ATRN: variants seen among roughly 807,000 people sequenced by gnomAD.
The protein encoded by ATRN is attractin.
ATRN carries 54 observed loss-of-function variants against 178.7 expected under a neutral mutation model. That is an observed-to-expected ratio of 0.30 (90% CI 0.24 to 0.38). ATRN has a LOEUF of 0.38. ATRN is among the 10% of genes least tolerant of loss of function. ATRN has a pLI of 1.00. For synonymous variants in ATRN, 636 were observed against 663.0 expected (o/e 0.96, Z 0.63); for missense variants, 1,443 against 1,815.1 (o/e 0.79, Z 3.73).
rs1297842416 is a variant in ATRN at position 3,471,348 on chromosome 20, G to A, written c.241G>A (p.Ala81Thr). 26 of 1,486,268 alleles carry A rather than the reference G, an allele frequency of 1.7e-5. No individual in the cohort carries two copies. In the East Asian group the frequency reaches 6.8e-4, roughly 39 times the overall value. The allele number at this position is 1,486,268 out of a possible 1,614,324, so 92.1% of individuals were successfully genotyped here. The change falls in exon 1 of 29, where the codon GCC becomes ACC. Residue 81 changes from alanine (A) to threonine (T), a missense_variant. Physicochemically the swap from Ala to Thr is moderately conservative, Grantham distance 58 (BLOSUM62 0). This residue lies in a region of ATRN where 862 missense variants were observed against 972.1 expected (regional missense o/e 0.89). Transcript: ENST00000262919. Reference sequence around the variant, plus strand: ...GCTGCTGCTGCTGCTGCCCTGTGAGGCCGAGGCCGCGGCGGCGGCGGCGGC... The same window carrying A: ...GCTGCTGCTGCTGCTGCCCTGTGAGACCGAGGCCGCGGCGGCGGCGGCGGC... ...PLLLLLLPCE[A>T]EAAAAAAAVS...
chr20:3,528,018 T>G (rs533887461), intron 1 of ATRN, among the ~76,000 whole-genome samples: 2 of 152,056 alleles, frequency 1.3e-5, no homozygotes, highest in East Asian at 3.9e-4. Flanking sequence ...TGTGTACCTG[T>G]GTAACAAACC....
At chr20:3,590,836 C>T (rs2086431140) in intron 18 of ATRN, among the ~76,000 whole-genome samples, 1 of 152,180 alleles carries the variant, frequency 6.6e-6, no homozygotes, top group Admixed American at 6.5e-5. Flanking sequence ...ACAGTGGTCT[C>T]TGAGTGGTTG....
rs1472414127 is a variant in ATRN at position 3,645,168 on chromosome 20, C to T, written c.4165+900C>T. ...TGAGATGATTCTGGAGTCAGGGTTA[C>T]CTTAGCCAGAGAGCACCCTGTGTCT... On this transcript the variant is annotated intron_variant, in intron 28 of 28. Coordinates refer to ENST00000262919, the MANE Select transcript of ATRN (RefSeq NM_139321.3). The surrounding 1 kb of genome is among the most constrained non-coding windows in gnomAD (Gnocchi z 4.7). Among the ~76,000 whole-genome samples the T allele has an allele frequency of 1.3e-5, 2 of 152,164 alleles. No homozygotes were observed. The highest frequency in any genetic ancestry group is 2.9e-5 in the Non-Finnish European group (2 of 68,040).
At chr20:3,495,816 T>A (rs2084870794) in intron 1 of ATRN, among the ~76,000 whole-genome samples, 1 of 151,776 alleles carries the variant, frequency 6.6e-6, no homozygotes, top group Non-Finnish European at 1.5e-5. Flanking sequence ...TTGTACACTG[T>A]CATTTTTTAA....
intron 1 of ATRN, among the ~76,000 whole-genome samples, chr20:3,529,073 C>G (rs1297557828): frequency 6.6e-6 from 1 of 152,124 alleles, no homozygotes; most frequent in Non-Finnish European, 1.5e-5. Context: ...CTTGGCCTCC[C>G]AAAGTGCTGA....
chr20:3,544,000 C>T (rs1481265374), intron 3 of ATRN, among the ~76,000 whole-genome samples: 1 of 152,200 alleles, frequency 6.6e-6, no homozygotes, highest in Non-Finnish European at 1.5e-5. Flanking sequence ...TGCCACTGCA[C>T]TCTAGCTTGG....
At chr20:3,484,766 G>GTGA (rs5839997) in intron 1 of ATRN, among the ~76,000 whole-genome samples, 7,794 of 151,708 alleles carry the variant, frequency 0.051, 600 homozygotes, top group African/African-American at 0.17. Context: ...TATATTTCCA[G>GTGA]TTTAGGTCTC....
chr20:3,604,349 A>C, intron 24 of ATRN, 87 bp downstream of exon 24: 1 of 1,426,400 alleles, frequency 7.0e-7, no homozygotes, highest in Non-Finnish European at 9.4e-7. Flanking sequence ...GCTTGTGGTA[A>C]ATGAGATGTG....
chr20:3,484,553 C>T lies in ATRN; in HGVS notation c.410+13036C>T, dbSNP rs542883928. 1.9e-4 allele frequency among the ~76,000 whole-genome samples: 29 copies of T among 152,220 alleles called. No individual in the cohort carries two copies. The South Asian group carries it at 5.6e-3, about 29-fold the overall frequency. The stretch of plus-strand genomic sequence containing the variant: ...ATAGAACAGTTTTGCCCCTGCTCCC[C>T]GTTTGTATTGAATTGTGCTATAATC... On this transcript the variant is annotated intron_variant, in intron 1 of 28. Coordinates refer to ENST00000262919, the MANE Select transcript of ATRN (RefSeq NM_139321.3).
At chr20:3,627,095 T>C (rs1224815879) in intron 25 of ATRN, among the ~76,000 whole-genome samples, 2 of 152,198 alleles carry the variant, frequency 1.3e-5, no homozygotes, top group Non-Finnish European at 2.9e-5. Context: ...TCAAAATGTA[T>C]ATAAATGAAA....
At chr20:3,507,406 CAA>C (rs375138925) in intron 1 of ATRN, among the ~76,000 whole-genome samples, 9 of 87,464 alleles carry the variant, frequency 1.0e-4, no homozygotes, top group Non-Finnish European at 9.2e-5. Flanking sequence ...AACTCCGTCT[CAA>C]AAAAAAAAAA....
rs1404387360 is a variant in ATRN at position 3,648,563 on chromosome 20, TAG to T, written c.*1725_*1726del. 1.3e-5 allele frequency: 2 copies of T among 152,430 alleles called. No homozygotes were observed. The highest frequency in any genetic ancestry group is 6.5e-5 in the Admixed American group (1 of 15,274). 9.4% of individuals were successfully genotyped at this position (152,430 alleles called of 1,614,324 possible). On this transcript the variant is annotated 3_prime_UTR_variant, in exon 29 of 29. Transcript: ENST00000262919. ...GCATTTTACCTTTAAATGCAGTGCC[TAG>T]AGAGAGAGTATTGTCTCTTCCCCAA...
intron 24 of ATRN, among the ~76,000 whole-genome samples, chr20:3,607,692 T>C (rs942354124): frequency 2.0e-5 from 3 of 152,226 alleles, no homozygotes; most frequent in African/African-American, 7.2e-5. Flanking sequence ...ATTTAGAGCA[T>C]GCAGTATCTC....
chr20:3,477,612 G>T (rs560204294), intron 1 of ATRN, among the ~76,000 whole-genome samples: 35 of 115,874 alleles, frequency 3.0e-4, no homozygotes, highest in African/African-American at 1.2e-3. Flanking sequence ...AGGCTGATCT[G>T]CTTTCCCCAG....
At chr20:3,536,282 C>A (rs549323288) in intron 2 of ATRN, among the ~76,000 whole-genome samples, 2 of 152,200 alleles carry the variant, frequency 1.3e-5, no homozygotes, top group Middle Eastern at 6.8e-3. Flanking sequence ...GATCTTGGCT[C>A]ACTGCAACGT....
intron 1 of ATRN, among the ~76,000 whole-genome samples, chr20:3,486,341 A>G (rs532757074): frequency 2.0e-5 from 3 of 152,056 alleles, no homozygotes; most frequent in Non-Finnish European, 4.4e-5. Flanking sequence ...TTTTGAAGTA[A>G]ATCTCAGGTG....
rs536771335 is a variant in ATRN at position 3,491,291 on chromosome 20, T to G, written c.410+19774T>G. Among the ~76,000 whole-genome samples, 11 of 152,344 alleles carry G rather than the reference T, an allele frequency of 7.2e-5. No individual in the cohort carries two copies. The East Asian group carries it at 1.2e-3, about 16-fold the overall frequency. On this transcript the variant is annotated intron_variant, in intron 1 of 28. Transcript: ENST00000262919. ...TCTCCTACTTCCTCACTTCCAATTTTCTCATTAACTTATGGCTGCTAGAGA... is the reference window on the plus strand; with the variant it reads ...TCTCCTACTTCCTCACTTCCAATTTGCTCATTAACTTATGGCTGCTAGAGA...
chr20:3,567,655 A>G (rs1644478282), intron 11 of ATRN, among the ~76,000 whole-genome samples: 1 of 152,228 alleles, frequency 6.6e-6, no homozygotes, highest in Non-Finnish European at 1.5e-5. Flanking sequence ...ACTTCGATTC[A>G]CAGCATTTCT....
chr20:3,630,106 G>A lies in ATRN; in HGVS notation c.3864-4205G>A, dbSNP rs556848275. On this transcript the variant is annotated intron_variant, in intron 25 of 28. Coordinates refer to ENST00000262919, the MANE Select transcript of ATRN (RefSeq NM_139321.3). Reference sequence around the variant, plus strand: ...TTGGGTTTTCTGGTGACCAGCCCCCGCATCTGAGGCTCTTTAGGCCCCTCT... The same window carrying A: ...TTGGGTTTTCTGGTGACCAGCCCCCACATCTGAGGCTCTTTAGGCCCCTCT... 2.8e-4 allele frequency among the ~76,000 whole-genome samples: 42 copies of A among 152,152 alleles called. 1 individual carries two copies. The highest frequency in any genetic ancestry group is 9.4e-4 in the African/African-American group (39 of 41,522).
Sources: gnomAD v4.1 joint callset for allele counts (sites outside exome capture counted in the v4.1 genomes callset) on GRCh38, gnomAD v4.1.1 for gene constraint, gnomAD v4.1.1 regional missense constraint, Gnocchi (gnomAD v3.1) non-coding constraint, MANE v1.5 for transcripts, NCBI Gene and HGNC (gene_info 2026-07-23, HGNC 2026-07-21) for gene names.